Variants in MCPH1 observed in about 807,000 individuals in gnomAD.
MCPH1 encodes microcephalin 1.
Under a neutral mutation model 84.5 loss-of-function variants are expected in MCPH1, and 104 were observed. The observed-to-expected ratio is 1.23, with a 90% CI of 1.05 to 1.45. The LOEUF is 1.45. Ranked by LOEUF, MCPH1 falls within the 40% of genes most tolerant of loss-of-function variation. MCPH1 has a pLI of 0.00. For synonymous variants in MCPH1, 514 were observed against 366.8 expected (o/e 1.40, Z -4.58); for missense variants, 1,498 against 1,005.7 (o/e 1.49, Z -6.62).
Position 6,643,114 on chromosome 8 carries a change from G to A in MCPH1, c.*65G>A, listed in dbSNP as rs867832533. On this transcript the variant is annotated 3_prime_UTR_variant, in exon 14 of 14. Coordinates refer to ENST00000344683, the MANE Select transcript of MCPH1 (RefSeq NM_024596.5). The stretch of plus-strand genomic sequence containing the variant: ...CAAAACTGTCTTTGGATGTTCAAAT[G>A]AGAAACAAAACTGTGAAGAGAAGGA... 4.1e-5 allele frequency: 57 copies of A among 1,385,140 alleles called. No homozygotes were observed. The Middle Eastern group carries it at 2.8e-3, about 69-fold the overall frequency. 85.8% of individuals were successfully genotyped at this position (1,385,140 alleles called of 1,614,324 possible). A position where few individuals can be genotyped will look rare whatever the true frequency, so the allele number is the denominator to read the frequency against.
chr8:6,454,315 G>T (rs1017524846), intron 8 of MCPH1, among the ~76,000 whole-genome samples: 1 of 152,180 alleles, frequency 6.6e-6, no homozygotes, highest in African/African-American at 2.4e-5. Context: ...GTGCAGTTTG[G>T]CTATCACCTG....
chr8:6,493,737 C>T (rs369010806), intron 11 of MCPH1, among the ~76,000 whole-genome samples: 3 of 152,074 alleles, frequency 2.0e-5, no homozygotes, highest in Non-Finnish European at 2.9e-5. Flanking sequence ...AAAATATGAC[C>T]GGGGATCTCT....
At chr8:6,621,750 G>C in intron 13 of MCPH1, 59 bp downstream of exon 13, 1 of 1,611,828 alleles carries the variant, frequency 6.2e-7, no homozygotes, top group Non-Finnish European at 8.5e-7. Flanking sequence ...CAGGTTTCCA[G>C]GGAGGGCGGC....
In MCPH1 at chr8:6,406,717, G is replaced by A. The variant is rs1283891041; in HGVS notation, c.22+28G>A. On this transcript the variant is annotated intron_variant, in intron 1 of 13. Transcript: ENST00000344683. ...GAGGTACTTCCTGCTGCCTGCTCCA[G>A]CAGCGGGAGTTTGAGGACCGGCACC... 3.1e-6 allele frequency: 5 copies of A among 1,610,992 alleles called. No homozygotes were observed. The South Asian group carries it at 4.4e-5, about 14-fold the overall frequency.
At chr8:6,468,741 T>G (rs552072238) in intron 9 of MCPH1, among the ~76,000 whole-genome samples, 45 of 152,080 alleles carry the variant, frequency 3.0e-4, no homozygotes, top group African/African-American at 9.6e-4. Flanking sequence ...ATCACTATTA[T>G]TGTATTATTT....
At chr8:6,597,835 C>G (rs879681888) in intron 12 of MCPH1, among the ~76,000 whole-genome samples, 1 of 152,192 alleles carries the variant, frequency 6.6e-6, no homozygotes, top group Non-Finnish European at 1.5e-5. Context: ...TCCTCTCCCT[C>G]ATAAGCACAT....
intron 3 of MCPH1, among the ~76,000 whole-genome samples, chr8:6,422,677 C>G (rs1192647255): frequency 2.6e-5 from 4 of 152,136 alleles, no homozygotes; most frequent in Admixed American, 6.5e-5. Flanking sequence ...ACTTCGTTAT[C>G]CAAAAGCAAA....
At chr8:6,623,091 G>A (rs1369623962) in intron 13 of MCPH1, among the ~76,000 whole-genome samples, 14 of 146,858 alleles carry the variant, frequency 9.5e-5, no homozygotes, top group Middle Eastern at 3.3e-3. Context: ...GGGCTCAAGC[G>A]ATCCTCCTGC....
chr8:6,478,584 CTTAAG>C lies in MCPH1; in HGVS notation c.1973+954_1973+958del, dbSNP rs563583082. On this transcript the variant is annotated intron_variant, in intron 10 of 13. Transcript: ENST00000344683. ...TTCTCCACATGGACTTCTTGTGATA[CTTAAG>C]AATAAGACCTGGACATTCTGATTTT... Among the ~76,000 whole-genome samples, 169 of 152,236 alleles carry C rather than the reference CTTAAG, an allele frequency of 1.1e-3. 5 individuals carry two copies. The South Asian group carries it at 0.033, about 30-fold the overall frequency.
chr8:6,589,529 C>A (rs1828274888), intron 12 of MCPH1, among the ~76,000 whole-genome samples: 1 of 152,256 alleles, frequency 6.6e-6, no homozygotes, highest in South Asian at 2.1e-4. Context: ...TGATGAAATC[C>A]TGAACAACAA....
intron 12 of MCPH1, among the ~76,000 whole-genome samples, chr8:6,503,881 C>T (rs889298178): frequency 6.6e-6 from 1 of 152,146 alleles, no homozygotes. Flanking sequence ...AATTTCTGGG[C>T]TTGGCCAAAA....
intron 12 of MCPH1, among the ~76,000 whole-genome samples, chr8:6,520,225 T>G (rs1280844783): frequency 1.3e-5 from 2 of 152,226 alleles, no homozygotes; most frequent in Non-Finnish European, 2.9e-5. Context: ...TTAAAATACT[T>G]CAAATAATCC....
At chr8:6,495,417 T>C (rs1206809194) in intron 11 of MCPH1, among the ~76,000 whole-genome samples, 1 of 152,214 alleles carries the variant, frequency 6.6e-6, no homozygotes, top group South Asian at 2.1e-4. Context: ...TGTTACACTG[T>C]CTAGTTGGGG....
intron 11 of MCPH1, 83 bp downstream of exon 11, chr8:6,480,959 C>A (rs984267418): frequency 1.3e-6 from 2 of 1,500,314 alleles, no homozygotes; most frequent in Non-Finnish European, 1.8e-6. Flanking sequence ...CATCAGCACT[C>A]AGGCCGGCGT....
intron 12 of MCPH1, among the ~76,000 whole-genome samples, chr8:6,541,237 T>C (rs1821504800): frequency 6.6e-6 from 1 of 152,134 alleles, no homozygotes; most frequent in Non-Finnish European, 1.5e-5. Context: ...CAGGGGATGC[T>C]TTGAGGCCCC....
intron 12 of MCPH1, among the ~76,000 whole-genome samples, chr8:6,525,258 A>C (rs1818119977): frequency 6.6e-6 from 1 of 152,112 alleles, no homozygotes; most frequent in South Asian, 2.1e-4. Context: ...GATCGTTGTA[A>C]ATTAGTATGT....
chr8:6,495,341 A>G (rs1372729663), intron 11 of MCPH1, among the ~76,000 whole-genome samples: 1 of 152,226 alleles, frequency 6.6e-6, no homozygotes, highest in African/African-American at 2.4e-5. Flanking sequence ...GCCCCTTGTC[A>G]TAAATCTGTA....
chr8:6,610,651 G>C (rs1209823549), intron 12 of MCPH1, among the ~76,000 whole-genome samples: 1 of 151,956 alleles, frequency 6.6e-6, no homozygotes, highest in Non-Finnish European at 1.5e-5. Context: ...TAATCATTCT[G>C]CTTAGAAAGT....
At chr8:6,434,307 A>C (rs1330286027) in intron 4 of MCPH1, among the ~76,000 whole-genome samples, 1 of 152,174 alleles carries the variant, frequency 6.6e-6, no homozygotes, top group Non-Finnish European at 1.5e-5. Context: ...CCCTGAGTCT[A>C]TATGAACCAG....
Sources: allele counts gnomAD v4.1 joint callset (sites outside exome capture counted in the v4.1 genomes callset), GRCh38; gene constraint gnomAD v4.1.1; transcripts MANE v1.5; gene names NCBI Gene and HGNC (gene_info 2026-07-23, HGNC 2026-07-21).